The following PDE10A variants were observed in gnomAD, a reference collection of about 807,000 sequenced individuals.
PDE10A encodes the protein cAMP and cAMP-inhibited cGMP 3',5'-cyclic phosphodiesterase 10A.
In PDE10A, 39 loss-of-function variants were observed where a neutral mutation model predicts 97.7. That is an observed-to-expected ratio of 0.40 (90% CI 0.31 to 0.52). PDE10A has a LOEUF of 0.52. Among genes scored for constraint, PDE10A ranks in the 20% least tolerant of loss-of-function variants. PDE10A has a pLI of 0.56. For missense variants in PDE10A, 731 were observed against 1,047.8 expected, an observed-to-expected ratio of 0.70 and a Z score of 4.17; for synonymous variants, 371 against 376.8, an observed-to-expected ratio of 0.98 and a Z score of 0.18.
chr6:165,684,584 G>A (rs1183507813), intron 1 of PDE10A, among the ~76,000 whole-genome samples: 1 of 152,162 alleles, frequency 6.6e-6, no homozygotes, highest in Non-Finnish European at 1.5e-5. Context: ...GTCACCACAC[G>A]GTGGCCGAGG....
At chr6:165,726,995 C>T (rs1792314641) in intron 1 of PDE10A, among the ~76,000 whole-genome samples, 1 of 152,224 alleles carries the variant, frequency 6.6e-6, no homozygotes, top group Non-Finnish European at 1.5e-5. Context: ...GCCCCCGTGT[C>T]CACCCTCCTC....
intron 1 of PDE10A, among the ~76,000 whole-genome samples, chr6:165,691,201 CCCCACACACA>C (rs1352501390): frequency 8.3e-5 from 2 of 24,014 alleles, no homozygotes; most frequent in Non-Finnish European, 2.1e-4. Flanking sequence ...CTCTCTCTCT[CCCCACACACA>C]CACACACACA....
intron 1 of PDE10A, among the ~76,000 whole-genome samples, chr6:165,977,703 C>T (rs1784891080): frequency 6.6e-6 from 1 of 152,044 alleles, no homozygotes; most frequent in Non-Finnish European, 1.5e-5. Context: ...TAATAAAGAA[C>T]ATTAAACAAA....
At chr6:165,415,077 C>A (rs1562443435) in intron 12 of PDE10A, among the ~76,000 whole-genome samples, 1 of 152,156 alleles carries the variant, frequency 6.6e-6, no homozygotes, top group African/African-American at 2.4e-5. Flanking sequence ...TTGTCAGATA[C>A]ATGTTTTACA....
intron 1 of PDE10A, among the ~76,000 whole-genome samples, chr6:165,854,495 C>T (rs1780660983): frequency 6.6e-6 from 1 of 152,222 alleles, no homozygotes; most frequent in Non-Finnish European, 1.5e-5. Context: ...CTCCGGGCGG[C>T]TCTCGCGGCC....
At chr6:165,467,886 G>A (rs1201839456) in intron 3 of PDE10A, among the ~76,000 whole-genome samples, 4 of 152,176 alleles carry the variant, frequency 2.6e-5, no homozygotes, top group African/African-American at 9.7e-5. Context: ...GGAAGAGTCG[G>A]CTGATGTGGC....
Position 165,454,812 on chromosome 6 carries a change from AT to A in PDE10A, c.1024-4451del, listed in dbSNP as rs551999549. On this transcript the variant is annotated intron_variant, in intron 3 of 21. Coordinates refer to ENST00000539869, the MANE Select transcript of PDE10A (RefSeq NM_001385079.1). ...ACTGAACGGCGCAGACTATTGACAT[AT>A]TTTTTTTCATTTGTCTAAACAGAAA... Among the ~76,000 whole-genome samples, 27 of 152,218 alleles carry A rather than the reference AT, an allele frequency of 1.8e-4. No individual in the cohort carries two copies. In the South Asian group the frequency reaches 5.2e-3, roughly 29 times the overall value.
intron 2 of PDE10A, among the ~76,000 whole-genome samples, chr6:165,522,820 A>T (rs1173290563): frequency 6.6e-6 from 1 of 152,152 alleles, no homozygotes; most frequent in Non-Finnish European, 1.5e-5. Flanking sequence ...AAAATAGGAA[A>T]AGAAGTCAAA....
At chr6:165,898,508 G>A (rs1314130144) in intron 1 of PDE10A, among the ~76,000 whole-genome samples, 3 of 152,092 alleles carry the variant, frequency 2.0e-5, no homozygotes, top group Non-Finnish European at 2.9e-5. Flanking sequence ...CGTCACTCCC[G>A]TGCTGTGATC....
At chr6:165,670,932 T>C (rs1790630921) in intron 1 of PDE10A, among the ~76,000 whole-genome samples, 1 of 152,192 alleles carries the variant, frequency 6.6e-6, no homozygotes, top group Non-Finnish European at 1.5e-5. Context: ...GCTGATCTTA[T>C]TATCTTAAAG....
At chr6:165,339,047 G>C (rs1781817998) in intron 20 of PDE10A, among the ~76,000 whole-genome samples, 1 of 152,216 alleles carries the variant, frequency 6.6e-6, no homozygotes, top group Admixed American at 6.5e-5. Context: ...GTCTTAGCAA[G>C]TGAAGGCTCA....
intron 1 of PDE10A, among the ~76,000 whole-genome samples, chr6:165,707,564 A>C (rs967979487): frequency 6.6e-6 from 1 of 152,056 alleles, no homozygotes; most frequent in Non-Finnish European, 1.5e-5. Context: ...TCACCCTGGA[A>C]CTGGACATGC....
intron 1 of PDE10A, among the ~76,000 whole-genome samples, chr6:165,621,091 C>A (rs1788109194): frequency 1.3e-5 from 2 of 151,476 alleles, no homozygotes; most frequent in Non-Finnish European, 2.9e-5. Context: ...AGTCTTTACT[C>A]CAGTTCTAAT....
chr6:165,487,649 G>C (rs1358797360), intron 2 of PDE10A, among the ~76,000 whole-genome samples: 1 of 152,052 alleles, frequency 6.6e-6, no homozygotes, highest in Non-Finnish European at 1.5e-5. Context: ...TATTACATTG[G>C]GCAAGGTGCC....
chr6:165,739,764 C>T (rs1792673081), intron 1 of PDE10A, among the ~76,000 whole-genome samples: 1 of 152,080 alleles, frequency 6.6e-6, no homozygotes, highest in South Asian at 2.1e-4. Context: ...AGGAACTCAG[C>T]TAAATGGCAA....
intron 1 of PDE10A, among the ~76,000 whole-genome samples, chr6:165,799,695 C>A (rs370988695): frequency 6.6e-6 from 1 of 152,092 alleles, no homozygotes; most frequent in South Asian, 2.1e-4. Context: ...AAACTTTAAC[C>A]GTCTTCAGAA....
At chr6:165,970,207 G>T (rs994269949) in intron 1 of PDE10A, among the ~76,000 whole-genome samples, 3 of 152,092 alleles carry the variant, frequency 2.0e-5, no homozygotes, top group Non-Finnish European at 4.4e-5. Context: ...AGACTGAGAG[G>T]TTGCTCCAGA....
At chr6:165,866,446 G>A (rs1412174845) in intron 1 of PDE10A, among the ~76,000 whole-genome samples, 1 of 135,538 alleles carries the variant, frequency 7.4e-6, no homozygotes, top group Non-Finnish European at 1.7e-5. Context: ...AAGCATGATT[G>A]GGTTGACCAT....
At chr6:165,564,155 T>C (rs1784660704) in intron 1 of PDE10A, among the ~76,000 whole-genome samples, 6 of 152,214 alleles carry the variant, frequency 3.9e-5, no homozygotes, top group Admixed American at 2.6e-4. Flanking sequence ...AATAAATATT[T>C]AGAGTCAAGA....
Sources: allele counts gnomAD v4.1 joint callset (sites outside exome capture counted in the v4.1 genomes callset), GRCh38; gene constraint gnomAD v4.1.1; transcripts MANE v1.5; gene names NCBI Gene and HGNC (gene_info 2026-07-23, HGNC 2026-07-21).